ENTREP2: variants seen among roughly 807,000 people sequenced by gnomAD.
ENTREP2 encodes endosomal transmembrane epsin interactor 2, also known as protein ENTREP2.
chr15:29,333,658 AAAAAT>A, the ENTREP2 span, among the ~76,000 whole-genome samples: 3 of 152,214 alleles, frequency 2.0e-5, no homozygotes, highest in Non-Finnish European at 2.9e-5. Flanking sequence ...CTCCCCAAGG[AAAAAT>A]AATCAGAATT....
At chr15:29,137,945 G>A in the ENTREP2 span, among the ~76,000 whole-genome samples, 15 of 151,394 alleles carry the variant, frequency 9.9e-5, no homozygotes, top group East Asian at 5.9e-4. Flanking sequence ...CAGAATTCCC[G>A]TGGTCAATCT....
chr15:29,286,959 C>T, the ENTREP2 span, among the ~76,000 whole-genome samples: 1 of 152,120 alleles, frequency 6.6e-6, no homozygotes, highest in African/African-American at 2.4e-5. Context: ...TGAAACAATT[C>T]GGGCCACTAT....
chr15:29,655,216 C>T, the ENTREP2 span, among the ~76,000 whole-genome samples: 11 of 152,184 alleles, frequency 7.2e-5, no homozygotes, highest in Non-Finnish European at 1.3e-4. Context: ...CTTTGAGACA[C>T]AGGACCACAG....
chr15:29,444,188 A>C, the ENTREP2 span, among the ~76,000 whole-genome samples: 5,385 of 107,334 alleles, frequency 0.05, 389 homozygotes, highest in Non-Finnish European at 0.064. Context: ...GAAAGAAAGA[A>C]AGAAAGAAAG....
the ENTREP2 span, among the ~76,000 whole-genome samples, chr15:29,596,764 T>C: frequency 6.6e-6 from 1 of 152,056 alleles, no homozygotes; most frequent in Non-Finnish European, 1.5e-5. Context: ...GTTTCCTGGG[T>C]TCAAGCCATT....
At chr15:29,127,079 G>A in the ENTREP2 span, among the ~76,000 whole-genome samples, 1 of 152,190 alleles carries the variant, frequency 6.6e-6, no homozygotes, top group Non-Finnish European at 1.5e-5. Context: ...CTCTGGCGCT[G>A]GGCCCAGCCA....
At chr15:29,179,637 G>A in the ENTREP2 span, among the ~76,000 whole-genome samples, 3 of 151,282 alleles carry the variant, frequency 2.0e-5, no homozygotes, top group South Asian at 6.3e-4. Context: ...CTGGAGTGCA[G>A]TGGTGCGATC....
chr15:29,481,966 C>T, the ENTREP2 span, among the ~76,000 whole-genome samples: 3 of 152,044 alleles, frequency 2.0e-5, no homozygotes, highest in African/African-American at 7.2e-5. Flanking sequence ...CACAGCTTTC[C>T]CCATCAGAGT....
the ENTREP2 span, among the ~76,000 whole-genome samples, chr15:29,163,081 C>T: frequency 1.3e-5 from 2 of 152,148 alleles, no homozygotes; most frequent in South Asian, 4.1e-4. Context: ...CAGTTGGGCT[C>T]ACAGGAAGCC....
chr15:29,229,403 C>A, the ENTREP2 span, among the ~76,000 whole-genome samples: 1 of 152,140 alleles, frequency 6.6e-6, no homozygotes, highest in African/African-American at 2.4e-5. Context: ...CCTACCACCC[C>A]CTATACCTGA....
chr15:29,188,415 C>A, the ENTREP2 span, among the ~76,000 whole-genome samples: 1 of 152,152 alleles, frequency 6.6e-6, no homozygotes, highest in African/African-American at 2.4e-5. Context: ...CTCCCCTTGC[C>A]CCCACCCCCT....
the ENTREP2 span, among the ~76,000 whole-genome samples, chr15:29,531,073 C>T: frequency 3.9e-5 from 6 of 152,208 alleles, no homozygotes; most frequent in East Asian, 1.9e-4. Context: ...CACATGGAGT[C>T]GTGGGCTCCC....
At chr15:29,348,393 G>C in the ENTREP2 span, among the ~76,000 whole-genome samples, 2 of 152,180 alleles carry the variant, frequency 1.3e-5, no homozygotes, top group Non-Finnish European at 1.5e-5. Context: ...AACAGAACGA[G>C]AAGAGGGCCG....
chr15:29,284,175 A>T, the ENTREP2 span, among the ~76,000 whole-genome samples: 1 of 152,242 alleles, frequency 6.6e-6, no homozygotes, highest in African/African-American at 2.4e-5. Context: ...CTGAATTTAG[A>T]CACATCCTTA....
chr15:29,371,023 T>C, the ENTREP2 span, among the ~76,000 whole-genome samples: 1 of 150,088 alleles, frequency 6.7e-6, no homozygotes, highest in South Asian at 2.1e-4. Flanking sequence ...GCCATTACTG[T>C]CGTTGTCATC....
At chr15:29,189,076 C>G in the ENTREP2 span, among the ~76,000 whole-genome samples, 8 of 152,184 alleles carry the variant, frequency 5.3e-5, no homozygotes, top group Admixed American at 2.0e-4. Flanking sequence ...GGAAGTAAAG[C>G]CTTTCCGTGG....
At chr15:29,459,726 C>T in the ENTREP2 span, among the ~76,000 whole-genome samples, 8 of 152,096 alleles carry the variant, frequency 5.3e-5, no homozygotes, top group Non-Finnish European at 1.0e-4. Flanking sequence ...ACAAACTTGG[C>T]CCAGAAAGCC....
the ENTREP2 span, among the ~76,000 whole-genome samples, chr15:29,549,274 C>CT: frequency 6.2e-5 from 9 of 144,976 alleles, 1 homozygote; most frequent in Non-Finnish European, 1.2e-4. Flanking sequence ...ATTTGTTATA[C>CT]ATTTTTTTTT....
chr15:29,492,670 T>C, the ENTREP2 span, among the ~76,000 whole-genome samples: 1 of 152,210 alleles, frequency 6.6e-6, no homozygotes, highest in Non-Finnish European at 1.5e-5. Context: ...TATTTTAACA[T>C]GCTGCCAAAC....
Sources: gnomAD v4.1 joint callset for allele counts (sites outside exome capture counted in the v4.1 genomes callset) on GRCh38, gnomAD v4.1.1 for gene constraint, MANE v1.5 for transcripts, NCBI Gene and HGNC (gene_info 2026-07-23, HGNC 2026-07-21) for gene names.